The following CCP110 variants were observed in gnomAD, a reference collection of about 807,000 sequenced individuals.
The protein encoded by CCP110 is centriolar coiled-coil protein of 110 kDa.
In CCP110, 43 loss-of-function variants were observed where a neutral mutation model predicts 105.5. The observed-to-expected ratio is 0.41, with a 90% CI of 0.32 to 0.53. CCP110 has a LOEUF of 0.53. Among genes scored for constraint, CCP110 ranks in the 20% least tolerant of loss-of-function variants. The pLI is 0.32. For synonymous variants in CCP110, 353 were observed against 392.1 expected (o/e 0.90, Z 1.18); for missense variants, 1,016 against 1,189.1 (o/e 0.85, Z 2.14).
chr16:19,547,822 G>C (rs563105357), intron 12 of CCP110, 133 bp from the exon 13 acceptor site: 1 of 663,426 alleles, frequency 1.5e-6, no homozygotes, highest in South Asian at 1.8e-5. Context: ...GCTCTGATTT[G>C]TGGTAATATA....
At chr16:19,553,352 T>G (rs1463157562) in exon 15 of CCP110, 1 of 152,224 alleles carries the variant, frequency 6.6e-6, no homozygotes, top group Non-Finnish European at 1.5e-5. Flanking sequence ...ATACTTTTAT[T>G]TTCACTAGTT....
intron 3 of CCP110, 43 bp from the exon 4 acceptor site, chr16:19,535,897 T>G (rs957323293): frequency 7.8e-7 from 1 of 1,283,838 alleles, no homozygotes; most frequent in Admixed American, 2.5e-5. Context: ...CAGAGACTTT[T>G]TGTGCAATGA....
exon 15 of CCP110, chr16:19,551,328 C>G (rs759045993): frequency 8.8e-7 from 1 of 1,136,170 alleles, no homozygotes; most frequent in South Asian, 1.2e-5. Context: ...TTTATTTAAC[C>G]CTGGACTCCG....
intron 5 of CCP110, 82 bp from the exon 6 acceptor site, chr16:19,541,805 A>C: frequency 1.5e-6 from 1 of 664,076 alleles, no homozygotes; most frequent in Middle Eastern, 2.7e-4. Context: ...AATTACATGT[A>C]CTTTTGGCTA....
At chr16:19,528,100 C>A in intron 2 of CCP110, 78 bp downstream of exon 2, 1 of 1,223,062 alleles carries the variant, frequency 8.2e-7, no homozygotes, top group Non-Finnish European at 1.1e-6. Flanking sequence ...AAAAGAAAGG[C>A]TTATAAACAT....
At chr16:19,540,159 C>T (rs945492158) in intron 4 of CCP110, among the ~76,000 whole-genome samples, 1 of 152,218 alleles carries the variant, frequency 6.6e-6, no homozygotes, top group Non-Finnish European at 1.5e-5. Flanking sequence ...AATGTTTTCT[C>T]TTAGTTAGTA....
At chr16:19,532,157 C>T (rs2151465122) in intron 2 of CCP110, among the ~76,000 whole-genome samples, 1 of 152,208 alleles carries the variant, frequency 6.6e-6, no homozygotes, top group East Asian at 1.9e-4. Flanking sequence ...GCAAAATGCA[C>T]AAATCTTAAG....
At chr16:19,527,365 T>TAAAA (rs58097336) in intron 1 of CCP110, among the ~76,000 whole-genome samples, 18 of 143,774 alleles carry the variant, frequency 1.3e-4, no homozygotes, top group Non-Finnish European at 2.3e-4. Context: ...CTTGTCTCTT[T>TAAAA]AAAAAAAAAA....
chr16:19,530,255 T>C (rs1244589250), intron 2 of CCP110, among the ~76,000 whole-genome samples: 3 of 152,200 alleles, frequency 2.0e-5, no homozygotes, highest in African/African-American at 7.2e-5. Flanking sequence ...TATTGTCTTG[T>C]AGAATTCCTT....
In CCP110 at chr16:19,537,471, C is replaced by T. The variant is rs200731280; in HGVS notation, c.1802C>T (p.Pro601Leu). 4.8e-5 allele frequency: 77 copies of T among 1,611,950 alleles called. No homozygotes were observed. Among genetic ancestry groups the T allele is most frequent in the South Asian group, 2.3e-4 (21 of 90,860 alleles). The change falls in exon 4 of 15, where the codon CCT becomes CTT. Residue 601 changes from proline to leucine, a missense_variant. Transcript: ENST00000381396. ...GATGGTTTGCAAAAAGAAAACTGCC[C>T]TTATGTCATAACAAGTGGAATAACT...
At chr16:19,543,112 G>T in intron 8 of CCP110, 118 bp downstream of exon 8, 1 of 638,516 alleles carries the variant, frequency 1.6e-6, no homozygotes, top group Non-Finnish European at 2.8e-6. Flanking sequence ...TGTAATCTAG[G>T]CAGTTTTAGA....
At chr16:19,526,564 A>T (rs897370239) in intron 1 of CCP110, 13 of 152,242 alleles carry the variant, frequency 8.5e-5, no homozygotes, top group African/African-American at 3.1e-4. Context: ...GCATAGATTG[A>T]ACACAAATAA....
intron 2 of CCP110, among the ~76,000 whole-genome samples, chr16:19,529,794 T>A (rs1311978938): frequency 2.0e-5 from 3 of 152,228 alleles, no homozygotes; most frequent in African/African-American, 7.2e-5. Context: ...AAAATGCCTT[T>A]TATAACTTTA....
exon 15 of CCP110, chr16:19,551,197 A>C: frequency 6.2e-7 from 1 of 1,602,110 alleles, no homozygotes; most frequent in East Asian, 2.2e-5. Context: ...TATTTTTAGG[A>C]GTATATGCAG....
rs1970540516 is a variant in CCP110 at position 19,548,664 on chromosome 16, C to T, written c.2986+64C>T. The T allele has an allele frequency of 9.8e-7, 1 of 1,016,048 alleles. No homozygotes were observed. The allele number at this position is 1,016,048 out of a possible 1,614,324, so 62.9% of individuals were successfully genotyped here. ...AGGAAGTGCACAAGCTGCCCCATAA[C>T]TCAGGCCATAGAAGTGGAATAGATT... On this transcript the variant is annotated intron_variant, in intron 14 of 14. Transcript: ENST00000381396. This position sits in a 1 kb window ranked among gnomAD's most constrained non-coding sequence, Gnocchi z 4.1.
chr16:19,538,205 G>C (rs1198563139), intron 4 of CCP110, among the ~76,000 whole-genome samples: 1 of 151,320 alleles, frequency 6.6e-6, no homozygotes, highest in East Asian at 1.9e-4. Flanking sequence ...TTACAGGCGT[G>C]AGCCATCATG....
intron 3 of CCP110, among the ~76,000 whole-genome samples, chr16:19,532,877 A>G (rs1472275874): frequency 6.6e-6 from 1 of 152,246 alleles, no homozygotes; most frequent in Non-Finnish European, 1.5e-5. Context: ...CCCCAAACTA[A>G]TTAGACTATT....
intron 3 of CCP110, among the ~76,000 whole-genome samples, chr16:19,533,569 G>T (rs1472243456): frequency 6.6e-6 from 1 of 152,172 alleles, no homozygotes; most frequent in Non-Finnish European, 1.5e-5. Flanking sequence ...GAAAGGTGGG[G>T]GTAGAGGAAC....
chr16:19,538,821 C>T (rs532632414), intron 4 of CCP110, among the ~76,000 whole-genome samples: 5 of 151,978 alleles, frequency 3.3e-5, no homozygotes, highest in African/African-American at 7.2e-5. Context: ...GGTTCAAGAA[C>T]GGTTCTTTAG....
Sources: gnomAD v4.1 joint callset for allele counts (sites outside exome capture counted in the v4.1 genomes callset) on GRCh38, gnomAD v4.1.1 for gene constraint, Gnocchi (gnomAD v3.1) non-coding constraint, MANE v1.5 for transcripts, NCBI Gene and HGNC (gene_info 2026-07-23, HGNC 2026-07-21) for gene names.